NARS2: variants seen among roughly 807,000 people sequenced by gnomAD.
NARS2 encodes asparaginyl-tRNA synthetase 2, mitochondrial.
NARS2 carries 60 observed loss-of-function variants against 62.9 expected under a neutral mutation model. The ratio of observed to expected loss-of-function variants is 0.95; its 90% confidence interval spans 0.77 to 1.18. NARS2 has a LOEUF of 1.18. Among genes scored for constraint, NARS2 ranks in the 50% most tolerant of loss-of-function variants. The pLI is 0.00. For synonymous variants in NARS2, 196 were observed against 200.0 expected (o/e 0.98, Z 0.17); for missense variants, 619 against 576.4 (o/e 1.07, Z -0.76).
chr11:78,462,878 T>A (rs1296620204), intron 11 of NARS2, among the ~76,000 whole-genome samples: 1 of 151,798 alleles, frequency 6.6e-6, no homozygotes, highest in African/African-American at 2.4e-5. Context: ...AATCTACATT[T>A]TTGTATATTT....
At chr11:78,473,527 T>A (rs1306090368) in intron 9 of NARS2, among the ~76,000 whole-genome samples, 2 of 152,186 alleles carry the variant, frequency 1.3e-5, no homozygotes, top group Admixed American at 6.5e-5. Context: ...GGTTTTATAT[T>A]GATTTCTATA....
intron 4 of NARS2, among the ~76,000 whole-genome samples, chr11:78,561,380 T>C (rs1856550959): frequency 6.6e-6 from 1 of 152,140 alleles, no homozygotes; most frequent in Non-Finnish European, 1.5e-5. Flanking sequence ...CTCAAATAGG[T>C]TTCCAGTGTC....
At chr11:78,459,583 T>C (rs1017581591) in intron 11 of NARS2, among the ~76,000 whole-genome samples, 1 of 152,188 alleles carries the variant, frequency 6.6e-6, no homozygotes, top group Non-Finnish European at 1.5e-5. Context: ...CTGATGGTTT[T>C]ATGAGGTGTT....
chr11:78,510,350 CA>C (rs1411141750), intron 6 of NARS2, among the ~76,000 whole-genome samples: 1 of 152,084 alleles, frequency 6.6e-6, no homozygotes, highest in Non-Finnish European at 1.5e-5. Context: ...TCAAACAAAA[CA>C]GACTAAATAC....
chr11:78,438,300 T>C lies in NARS2; in HGVS notation c.1290-1486A>G, dbSNP rs762862400. 9.6e-4 allele frequency among the ~76,000 whole-genome samples: 146 copies of C among 152,132 alleles called. 2 individuals are homozygous for C. The highest frequency in any genetic ancestry group is 2.5e-4 in the Non-Finnish European group (17 of 68,020). ...TAAAACTTCAGATTAGTAATAACTATAAGAAATAATGGGAGGCACATTCAG... is the reference window on the plus strand; with the variant it reads ...TAAAACTTCAGATTAGTAATAACTACAAGAAATAATGGGAGGCACATTCAG... On this transcript the variant is annotated intron_variant, in intron 13 of 13. Coordinates refer to ENST00000281038, the MANE Select transcript of NARS2 (RefSeq NM_024678.6).
intron 6 of NARS2, among the ~76,000 whole-genome samples, chr11:78,518,319 T>A (rs571103549): frequency 6.6e-6 from 1 of 152,074 alleles, no homozygotes; most frequent in Admixed American, 6.6e-5. Context: ...CCCTCAGATA[T>A]ATGGAGACGA....
intron 6 of NARS2, among the ~76,000 whole-genome samples, chr11:78,504,894 T>C (rs1238528267): frequency 6.6e-6 from 1 of 152,092 alleles, no homozygotes. Flanking sequence ...TTATCAGCCC[T>C]CCCTTTCACT....
chr11:78,566,940 G>A (rs1856764030), intron 3 of NARS2, among the ~76,000 whole-genome samples: 1 of 135,470 alleles, frequency 7.4e-6, no homozygotes, highest in Non-Finnish European at 1.6e-5. Flanking sequence ...GAGCTACACT[G>A]GCAGCCTGTT....
intron 6 of NARS2, among the ~76,000 whole-genome samples, chr11:78,493,723 C>G (rs915145213): frequency 2.0e-5 from 3 of 151,550 alleles, no homozygotes; most frequent in Admixed American, 2.0e-4. Context: ...ACCATTTTAT[C>G]CTGAAGGAAT....
intron 3 of NARS2, among the ~76,000 whole-genome samples, chr11:78,566,853 T>C (rs1398198761): frequency 5.3e-5 from 8 of 152,210 alleles, no homozygotes; most frequent in Non-Finnish European, 1.0e-4. Flanking sequence ...ACATTCATGT[T>C]ACAAGATTAA....
intron 7 of NARS2, among the ~76,000 whole-genome samples, chr11:78,483,375 G>A (rs997183704): frequency 1.3e-5 from 2 of 152,190 alleles, no homozygotes; most frequent in African/African-American, 4.8e-5. Context: ...CATAGTGTTG[G>A]AAGTTCTCGC....
chr11:78,551,811 A>G (rs1856128776), intron 5 of NARS2, among the ~76,000 whole-genome samples: 1 of 151,950 alleles, frequency 6.6e-6, no homozygotes, highest in African/African-American at 2.4e-5. Context: ...AGATTGCGCC[A>G]TTGTACTCCA....
At chr11:78,480,321 A>C (rs1859293311) in intron 7 of NARS2, among the ~76,000 whole-genome samples, 1 of 148,666 alleles carries the variant, frequency 6.7e-6, no homozygotes, top group Non-Finnish European at 1.5e-5. Flanking sequence ...GCAGTGGTGC[A>C]ATGGCTCACT....
chr11:78,502,300 G>A (rs1860309182), intron 6 of NARS2, among the ~76,000 whole-genome samples: 1 of 152,170 alleles, frequency 6.6e-6, no homozygotes. Context: ...GTGACAGCAG[G>A]GTTGGTTTCT....
chr11:78,574,745 T>C lies in NARS2; in HGVS notation c.-257A>G, dbSNP rs1052904688. ...AACGCCAGAAAGAAACCACGTGCAG[T>C]TGGCAGCTGGGGCGCCCCACTACCC... On this transcript the variant is annotated 5_prime_UTR_variant, in exon 1 of 14. Coordinates refer to ENST00000281038, the MANE Select transcript of NARS2 (RefSeq NM_024678.6). 23 of 464,734 alleles carry C rather than the reference T, an allele frequency of 4.9e-5. No homozygotes were observed. Among genetic ancestry groups the C allele is most frequent in the South Asian group, 2.3e-4 (7 of 30,244 alleles). The allele number at this position is 464,734 out of a possible 1,614,324, so 28.8% of individuals were successfully genotyped here.
intron 5 of NARS2, among the ~76,000 whole-genome samples, chr11:78,545,756 A>G (rs1379503540): frequency 6.6e-6 from 1 of 151,272 alleles, no homozygotes; most frequent in Non-Finnish European, 1.5e-5. Context: ...CTGGTCTCGA[A>G]CTCCTGGCCT....
intron 6 of NARS2, among the ~76,000 whole-genome samples, chr11:78,518,596 C>G (rs993750780): frequency 1.3e-5 from 2 of 152,088 alleles, no homozygotes; most frequent in Non-Finnish European, 2.9e-5. Context: ...CAGCCCACTG[C>G]AAGCTCCGCC....
intron 11 of NARS2, among the ~76,000 whole-genome samples, chr11:78,454,657 C>T (rs999928074): frequency 6.0e-5 from 9 of 150,488 alleles, no homozygotes; most frequent in African/African-American, 1.2e-4. Flanking sequence ...CTCATTCTGT[C>T]GCCTGGGCTG....
At chr11:78,488,966 G>A (rs1040102394) in intron 7 of NARS2, among the ~76,000 whole-genome samples, 5 of 151,988 alleles carry the variant, frequency 3.3e-5, no homozygotes, top group Admixed American at 6.6e-5. Flanking sequence ...TCTGTCTAAC[G>A]TTACACAAAA....
Sources: allele counts gnomAD v4.1 joint callset (sites outside exome capture counted in the v4.1 genomes callset), GRCh38; gene constraint gnomAD v4.1.1; transcripts MANE v1.5; gene names NCBI Gene and HGNC (gene_info 2026-07-23, HGNC 2026-07-21).